The following GTF2H1 variants were observed in gnomAD, a reference collection of about 807,000 sequenced individuals.
GTF2H1 encodes BTF2 p62.
Under a neutral mutation model 71.2 loss-of-function variants are expected in GTF2H1, and 16 were observed. That is an observed-to-expected ratio of 0.22 (90% CI 0.15 to 0.34). The LOEUF is 0.34. Ranked by LOEUF, GTF2H1 falls within the 10% of genes least tolerant of loss-of-function variation. GTF2H1 has a pLI of 1.00. For missense variants in GTF2H1, 498 were observed against 648.2 expected (o/e 0.77, Z 2.52); for synonymous variants, 215 against 219.0 (o/e 0.98, Z 0.16).
At chr11:18,332,842 A>G in intron 1 of GTF2H1, 1 of 389,262 alleles carries the variant, frequency 2.6e-6, no homozygotes, top group Non-Finnish European at 4.6e-6. Context: ...TATTGTATAA[A>G]TTTACACCTG....
At chr11:18,329,951 G>C (rs553284848) in intron 1 of GTF2H1, among the ~76,000 whole-genome samples, 4 of 152,246 alleles carry the variant, frequency 2.6e-5, no homozygotes, top group African/African-American at 9.6e-5. Context: ...ACTAATCTGT[G>C]GTGATAGAAA....
intron 1 of GTF2H1, among the ~76,000 whole-genome samples, chr11:18,327,875 C>T (rs897761261): frequency 1.3e-5 from 2 of 152,200 alleles, no homozygotes; most frequent in Admixed American, 6.5e-5. Flanking sequence ...AGACGTGAGC[C>T]ACCCTGCCCA....
intron 7 of GTF2H1, among the ~76,000 whole-genome samples, chr11:18,342,871 A>C (rs1205843658): frequency 6.6e-6 from 1 of 152,094 alleles, no homozygotes; most frequent in Non-Finnish European, 1.5e-5. Context: ...GCTGACTTAG[A>C]TTCTGATATC....
At chr11:18,329,257 A>T (rs1258429646) in intron 1 of GTF2H1, among the ~76,000 whole-genome samples, 1 of 152,216 alleles carries the variant, frequency 6.6e-6, no homozygotes, top group African/African-American at 2.4e-5. Flanking sequence ...TGCCTACATA[A>T]TGCAGACTAT....
chr11:18,331,810 A>C (rs577378041), intron 1 of GTF2H1, among the ~76,000 whole-genome samples: 4 of 152,290 alleles, frequency 2.6e-5, no homozygotes, highest in African/African-American at 7.2e-5. Flanking sequence ...TTCAAATAGA[A>C]GTTCTCAATT....
chr11:18,336,004 T>C, intron 3 of GTF2H1, 58 bp downstream of exon 3: 2 of 1,290,852 alleles, frequency 1.5e-6, no homozygotes, highest in South Asian at 2.8e-5. Context: ...AGTCTCCTAG[T>C]ATGCTAATAG....
At position 18,358,064 on chromosome 11, in the gene GTF2H1, A is replaced by T. The variant is rs759299663; in HGVS notation, c.1351+22A>T. On this transcript the variant is annotated intron_variant, in intron 12 of 14. Coordinates refer to ENST00000265963, the MANE Select transcript of GTF2H1 (RefSeq NM_005316.4). ...AACCGTATGTGCCGGGCCATCTTCT[A>T]CTACTTTCTGCCTAAATCAGCTTTA... 2.6e-6 allele frequency: 4 copies of T among 1,546,860 alleles called. No individual in the cohort carries two copies. The African/African-American group carries it at 5.4e-5, about 21-fold the overall frequency.
chr11:18,334,168 A>G (rs1485297138), intron 2 of GTF2H1, among the ~76,000 whole-genome samples: 2 of 152,176 alleles, frequency 1.3e-5, no homozygotes, highest in African/African-American at 4.8e-5. Context: ...TCACAAGGTC[A>G]GGAGATCGAG....
chr11:18,352,693 T>C (rs1418125751), intron 11 of GTF2H1, among the ~76,000 whole-genome samples: 1 of 152,224 alleles, frequency 6.6e-6, no homozygotes, highest in African/African-American at 2.4e-5. Context: ...TCCATATACT[T>C]TTATTGGGAA....
intron 10 of GTF2H1, 25 bp downstream of exon 10, chr11:18,351,994 A>G (rs753654070): frequency 5.1e-6 from 6 of 1,169,862 alleles, no homozygotes; most frequent in Non-Finnish European, 7.7e-6. Flanking sequence ...TATTAAGCAG[A>G]ATAGCTATGT....
chr11:18,362,785 C>G (rs1167224849), intron 14 of GTF2H1, among the ~76,000 whole-genome samples: 1 of 151,056 alleles, frequency 6.6e-6, no homozygotes, highest in Non-Finnish European at 1.5e-5. Flanking sequence ...ATTCTCCCGC[C>G]TCAGCCTCCC....
At chr11:18,344,522 G>C (rs1865238349) in intron 7 of GTF2H1, among the ~76,000 whole-genome samples, 1 of 151,606 alleles carries the variant, frequency 6.6e-6, no homozygotes, top group African/African-American at 2.4e-5. Flanking sequence ...AGGAGGCTGA[G>C]GCAGGAGAGT....
chr11:18,352,003 G>A, intron 10 of GTF2H1, 34 bp downstream of exon 10: 1 of 1,084,732 alleles, frequency 9.2e-7, no homozygotes, highest in Non-Finnish European at 1.4e-6. Flanking sequence ...GAATAGCTAT[G>A]TAACAATTCA....
chr11:18,346,036 C>T (rs1227734152), intron 7 of GTF2H1, among the ~76,000 whole-genome samples: 5 of 152,154 alleles, frequency 3.3e-5, no homozygotes, highest in Non-Finnish European at 5.9e-5. Context: ...ATGATCCACC[C>T]GCCTCAGCCT....
In GTF2H1 at chr11:18,366,977, T is replaced by G. The variant is rs1461721974; in HGVS notation, c.*1108T>G. On this transcript the variant is annotated 3_prime_UTR_variant, in exon 15 of 15. Coordinates refer to ENST00000265963, the MANE Select transcript of GTF2H1 (RefSeq NM_005316.4). Reference sequence around the variant, plus strand: ...ATGGGATCAACTTAATGTTTAAGACTTTAGATGTCTTGTATTAAAAATTAC... The same window carrying G: ...ATGGGATCAACTTAATGTTTAAGACGTTAGATGTCTTGTATTAAAAATTAC... 1 of 152,016 alleles carries G rather than the reference T, an allele frequency of 6.6e-6. No homozygotes were observed. Among genetic ancestry groups the G allele is most frequent in the Non-Finnish European group, 1.5e-5 (1 of 68,004 alleles). 9.4% of individuals were successfully genotyped at this position (152,016 alleles called of 1,614,324 possible).
chr11:18,355,527 A>G (rs1358763576), intron 11 of GTF2H1, among the ~76,000 whole-genome samples: 1 of 151,858 alleles, frequency 6.6e-6, no homozygotes, highest in Non-Finnish European at 1.5e-5. Context: ...TTATTTCGAG[A>G]CAGGGTCTCA....
intron 14 of GTF2H1, among the ~76,000 whole-genome samples, chr11:18,365,209 C>T (rs768665333): frequency 3.9e-5 from 6 of 151,934 alleles, no homozygotes; most frequent in Non-Finnish European, 5.9e-5. Flanking sequence ...GAAATCCCAT[C>T]TCTACTAAAA....
intron 2 of GTF2H1, chr11:18,333,547 T>G (rs1327478411): frequency 5.5e-6 from 1 of 180,474 alleles, no homozygotes; most frequent in African/African-American, 2.4e-5. Context: ...TTAGGAAGTT[T>G]CCAGAATTTT....
At chr11:18,332,372 C>T (rs189612639) in intron 1 of GTF2H1, among the ~76,000 whole-genome samples, 2 of 152,276 alleles carry the variant, frequency 1.3e-5, no homozygotes, top group East Asian at 3.9e-4. Flanking sequence ...ACACTCAAGC[C>T]TGGAGGATTT....
Sources: allele counts gnomAD v4.1 joint callset (sites outside exome capture counted in the v4.1 genomes callset), GRCh38; gene constraint gnomAD v4.1.1; transcripts MANE v1.5; gene names NCBI Gene and HGNC (gene_info 2026-07-23, HGNC 2026-07-21).